GANC: variants seen among roughly 807,000 people sequenced by gnomAD.
The protein encoded by GANC is glucosidase alpha, neutral C.
Under a neutral mutation model 124.2 loss-of-function variants are expected in GANC, and 117 were observed. The ratio of observed to expected loss-of-function variants is 0.94; its 90% CI spans 0.81 to 1.10. GANC has a LOEUF of 1.10. Ranked by LOEUF, GANC falls within the 50% of genes least tolerant of loss-of-function variation. The pLI is 0.00. For missense variants in GANC, 1,140 were observed against 1,095.0 expected, an observed-to-expected ratio of 1.04 and a Z score of -0.58; for synonymous variants, 377 against 376.8, an observed-to-expected ratio of 1.00 and a Z score of -0.01.
At chr15:42,306,664 C>T (rs1338711529) in intron 7 of GANC, 52 bp downstream of exon 7, 1 of 1,275,290 alleles carries the variant, frequency 7.8e-7, no homozygotes, top group African/African-American at 1.5e-5. Flanking sequence ...AAAATGTCTA[C>T]ATAATTCTAT....
chr15:42,332,602 T>G (rs986302112), intron 15 of GANC, among the ~76,000 whole-genome samples: 1 of 152,222 alleles, frequency 6.6e-6, no homozygotes, highest in African/African-American at 2.4e-5. Context: ...ATGTGAGCTT[T>G]CTTTCTTGAT....
At chr15:42,313,857 A>G (rs2052078458) in intron 10 of GANC, 3 of 563,148 alleles carry the variant, frequency 5.3e-6, no homozygotes, top group Admixed American at 3.4e-5. Flanking sequence ...CTTGAATTCA[A>G]GTAATCCTCT....
intron 11 of GANC, among the ~76,000 whole-genome samples, chr15:42,324,850 A>T (rs2052186017): frequency 6.6e-6 from 1 of 152,188 alleles, no homozygotes; most frequent in South Asian, 2.1e-4. Flanking sequence ...GTTTTGCAAC[A>T]TGAGAGAGTT....
At chr15:42,299,578 C>T (rs2051925752) in intron 6 of GANC, among the ~76,000 whole-genome samples, 1 of 152,168 alleles carries the variant, frequency 6.6e-6, no homozygotes, top group African/African-American at 2.4e-5. Context: ...CTACCATTGA[C>T]ATTCTTCACA....
intron 4 of GANC, among the ~76,000 whole-genome samples, chr15:42,291,026 C>T (rs1009582877): frequency 6.6e-6 from 1 of 151,844 alleles, no homozygotes; most frequent in African/African-American, 2.4e-5. Context: ...CTCCTGTGCC[C>T]GACCCCTACC....
At position 42,351,442 on chromosome 15, in the gene GANC, C is replaced by T. The variant is rs1346582857; in HGVS notation, c.2635+10C>T. ...ACTACCCACTCATCTGGTGAGAAAG[C>T]AGTCCATTCTTACCTCACCATTTGT... On this transcript the variant is annotated intron_variant, in intron 23 of 23. Coordinates refer to ENST00000318010, the MANE Select transcript of GANC (RefSeq NM_198141.3). 11 of 1,573,704 alleles carry T rather than the reference C, an allele frequency of 7.0e-6. No individual in the cohort carries two copies. The highest frequency in any genetic ancestry group is 7.9e-6 in the Non-Finnish European group (9 of 1,143,500).
intron 10 of GANC, among the ~76,000 whole-genome samples, chr15:42,317,613 T>C (rs1027721323): frequency 1.2e-4 from 19 of 152,236 alleles, no homozygotes; most frequent in African/African-American, 4.1e-4. Flanking sequence ...AAAACCCTCA[T>C]TAAATTGTGC....
At chr15:42,339,535 G>A in intron 16 of GANC, 134 bp from the exon 17 acceptor site, 9 of 1,037,168 alleles carry the variant, frequency 8.7e-6, no homozygotes, top group Non-Finnish European at 1.1e-5. Flanking sequence ...ACCTGTTTGA[G>A]GCCACGGCTT....
chr15:42,332,688 G>A (rs2052255349), intron 15 of GANC, among the ~76,000 whole-genome samples: 2 of 151,994 alleles, frequency 1.3e-5, no homozygotes, highest in Admixed American at 1.3e-4. Context: ...GAGGAAATTA[G>A]AATACTTTTT....
intron 5 of GANC, among the ~76,000 whole-genome samples, chr15:42,296,450 G>A (rs7177120): frequency 0.72 from 109,541 of 152,064 alleles, 42,264 homozygotes; most frequent in Non-Finnish European, 0.86. Context: ...GCAGTGGTGC[G>A]ATCTCAGCTC....
chr15:42,348,929 G>A (rs1397609385), intron 21 of GANC, among the ~76,000 whole-genome samples: 5 of 152,090 alleles, frequency 3.3e-5, no homozygotes, highest in Non-Finnish European at 7.4e-5. Context: ...AAAGACTAGC[G>A]ATCCATATCC....
Position 42,348,122 on chromosome 15 carries a change from G to T in GANC, c.2324G>T (p.Gly775Val). The T allele has an allele frequency of 6.2e-7, 1 of 1,610,552 alleles. No homozygotes were observed. The highest frequency in any genetic ancestry group is 1.1e-5 in the South Asian group (1 of 90,282). ...TTACAGATTCCAGTGTTTCAGCGAG[G>T]TGGAAGTGTGATACCAATAAAGACA... ...ALDTIPVFQR[G>V]GSVIPIKTTV... The change falls in exon 21 of 24, where the codon GGT (glycine) becomes GTT (valine). Residue 775 changes from glycine to valine, a missense_variant. Gly to Val is a moderately radical substitution (Grantham distance 109). Transcript: ENST00000318010.
Position 42,274,345 on chromosome 15 carries a change from G to A in GANC, c.-137G>A. 1 of 838,020 alleles carries A rather than the reference G, an allele frequency of 1.2e-6. No homozygotes were observed. The highest frequency in any genetic ancestry group is 1.9e-6 in the Non-Finnish European group (1 of 523,408). 51.9% of individuals were successfully genotyped at this position (838,020 alleles called of 1,614,324 possible). On this transcript the variant is annotated 5_prime_UTR_variant, in exon 1 of 24. The change creates a premature stop within an existing upstream ORF in the 5' untranslated region. Coordinates refer to ENST00000318010, the MANE Select transcript of GANC (RefSeq NM_198141.3). ...AGATTTGTCACTCCATGAGAATCTGGAGGGGACTCCCTTCCCAGAAACTTG... is the reference window on the plus strand; with the variant it reads ...AGATTTGTCACTCCATGAGAATCTGAAGGGGACTCCCTTCCCAGAAACTTG...
At chr15:42,285,687 C>T (rs1244767860) in intron 3 of GANC, among the ~76,000 whole-genome samples, 1 of 152,086 alleles carries the variant, frequency 6.6e-6, no homozygotes, top group Non-Finnish European at 1.5e-5. Context: ...TCCAGCTACT[C>T]AGGAGGCTGA....
intron 4 of GANC, among the ~76,000 whole-genome samples, chr15:42,289,707 T>A (rs2051823441): frequency 6.6e-6 from 1 of 152,206 alleles, no homozygotes; most frequent in Non-Finnish European, 1.5e-5. Context: ...TGTATTTACC[T>A]ATAGAGAATG....
rs962173255 is a variant in GANC, at chr15:42,312,900, A to G, written c.1057+2054A>G. ...GGTTGCAGTGAGCCAAGATCATGCC[A>G]CTGCACTCCAGCCTGGGTGACAAAG... On this transcript the variant is annotated intron_variant, in intron 10 of 23. Transcript: ENST00000318010. 1.5e-3 allele frequency among the ~76,000 whole-genome samples: 230 copies of G among 150,400 alleles called. 1 individual carries two copies. The highest frequency in any genetic ancestry group is 4.7e-3 in the African/African-American group (190 of 40,748).
chr15:42,284,496 A>G (rs2051767265), intron 3 of GANC: 1 of 155,324 alleles, frequency 6.4e-6, no homozygotes, highest in African/African-American at 2.4e-5. Context: ...TCTTTTTCCC[A>G]GACTGAGAGG....
intron 20 of GANC, 144 bp downstream of exon 20, chr15:42,345,976 A>G: frequency 3.2e-6 from 2 of 622,740 alleles, no homozygotes; most frequent in Non-Finnish European, 5.7e-6. Flanking sequence ...GTTCCAGATC[A>G]AGGTGCCAGC....
At chr15:42,319,864 G>C (rs766485762) in intron 10 of GANC, among the ~76,000 whole-genome samples, 1 of 152,106 alleles carries the variant, frequency 6.6e-6, no homozygotes, top group East Asian at 1.9e-4. Context: ...CATTTCCTTT[G>C]AGTGTCATGT....
Sources: allele counts gnomAD v4.1 joint callset (sites outside exome capture counted in the v4.1 genomes callset), GRCh38; gene constraint gnomAD v4.1.1; transcripts MANE v1.5; gene names NCBI Gene and HGNC (gene_info 2026-07-23, HGNC 2026-07-21).